CNBD1: variants seen among roughly 807,000 people sequenced by gnomAD.
CNBD1 encodes cyclic nucleotide binding domain containing 1.
In CNBD1, 71 loss-of-function variants were observed where a neutral mutation model predicts 54.4. The ratio of observed to expected loss-of-function variants is 1.30; its 90% CI spans 1.08 to 1.59. The LOEUF is 1.59. Among genes scored for constraint, CNBD1 ranks in the 40% most tolerant of loss-of-function variants. The pLI, the probability that CNBD1 is intolerant of heterozygous loss-of-function variation, is 0.00. For missense variants in CNBD1, 659 were observed against 518.0 expected, an observed-to-expected ratio of 1.27 and a Z score of -2.64; for synonymous variants, 182 against 170.7, an observed-to-expected ratio of 1.07 and a Z score of -0.51.
chr8:86,922,576 C>T (rs1003119532), intron 3 of CNBD1, among the ~76,000 whole-genome samples: 1 of 152,046 alleles, frequency 6.6e-6, no homozygotes, highest in African/African-American at 2.4e-5. Context: ...CAAGTGATGA[C>T]AATTTGTACA....
At chr8:86,921,412 C>T (rs1375259584) in intron 3 of CNBD1, among the ~76,000 whole-genome samples, 3 of 151,962 alleles carry the variant, frequency 2.0e-5, no homozygotes, top group African/African-American at 7.2e-5. Flanking sequence ...ATAAAACTTA[C>T]ACTATCTGAA....
intron 10 of CNBD1, among the ~76,000 whole-genome samples, chr8:87,361,373 AAGG>A (rs745979294): frequency 3.3e-5 from 5 of 151,836 alleles, no homozygotes; most frequent in Non-Finnish European, 5.9e-5. Context: ...AAATCAGTAG[AAGG>A]AGATTAACAT....
intron 4 of CNBD1, among the ~76,000 whole-genome samples, chr8:87,168,993 G>T (rs1046876563): frequency 7.2e-5 from 11 of 151,872 alleles, no homozygotes; most frequent in Non-Finnish European, 1.3e-4. Context: ...TTAGCTTTTT[G>T]AAAAATCTCC....
intron 8 of CNBD1, among the ~76,000 whole-genome samples, chr8:87,328,776 T>TTTTAACAATG (rs1171880483): frequency 1.3e-5 from 2 of 152,186 alleles, no homozygotes. Flanking sequence ...CTCTTTAATT[T>TTTTAACAATG]TTTAACAATG....
chr8:87,426,722 A>G (rs1427359068), intron 2 of CNBD1, among the ~76,000 whole-genome samples: 1 of 152,212 alleles, frequency 6.6e-6, no homozygotes, highest in Admixed American at 6.5e-5. Context: ...CGGCAATTGC[A>G]GATTCTGTGA....
intron 4 of CNBD1, among the ~76,000 whole-genome samples, chr8:87,052,143 T>C (rs921877822): frequency 6.6e-6 from 1 of 152,200 alleles, no homozygotes; most frequent in African/African-American, 2.4e-5. Flanking sequence ...CACTAGTGCC[T>C]GTGTCTCTCT....
At chr8:87,296,995 G>C (rs1427032480) in intron 8 of CNBD1, among the ~76,000 whole-genome samples, 1 of 151,650 alleles carries the variant, frequency 6.6e-6, no homozygotes, top group Non-Finnish European at 1.5e-5. Flanking sequence ...CTAACATGGT[G>C]AAACCCCTTC....
At chr8:87,225,252 T>C (rs1374703696) in intron 5 of CNBD1, among the ~76,000 whole-genome samples, 2 of 146,668 alleles carry the variant, frequency 1.4e-5, no homozygotes, top group Admixed American at 6.8e-5. Context: ...TCCTGCCTAA[T>C]TGCCCTGGCC....
intron 4 of CNBD1, among the ~76,000 whole-genome samples, chr8:87,138,023 C>G (rs1426501563): frequency 6.6e-6 from 1 of 152,076 alleles, no homozygotes; most frequent in East Asian, 1.9e-4. Context: ...CATAAAACCC[C>G]AAAATATCTA....
chr8:87,039,715 T>C (rs1810024884), intron 4 of CNBD1, among the ~76,000 whole-genome samples: 1 of 152,184 alleles, frequency 6.6e-6, no homozygotes, highest in Non-Finnish European at 1.5e-5. Context: ...ATTAGTCTCC[T>C]CGAGAATTTG....
intron 8 of CNBD1, among the ~76,000 whole-genome samples, chr8:87,321,866 A>C (rs545439371): frequency 1.9e-4 from 28 of 148,726 alleles, no homozygotes; most frequent in Non-Finnish European, 2.2e-4. Context: ...GGTTAGTTAC[A>C]TATGTATACA....
intron 6 of CNBD1, among the ~76,000 whole-genome samples, chr8:87,264,451 A>G (rs1044249397): frequency 5.3e-5 from 8 of 152,330 alleles, no homozygotes; most frequent in Admixed American, 6.5e-5. Context: ...TAGTGCCACA[A>G]TAAACATACA....
chr8:87,191,299 A>G (rs189583581), intron 4 of CNBD1, among the ~76,000 whole-genome samples: 1 of 152,136 alleles, frequency 6.6e-6, no homozygotes, highest in East Asian at 1.9e-4. Context: ...AAAGACAGAG[A>G]GAACTAGGGG....
intron 4 of CNBD1, among the ~76,000 whole-genome samples, chr8:86,970,591 C>A (rs1225618806): frequency 6.6e-6 from 1 of 150,466 alleles, no homozygotes; most frequent in Admixed American, 6.6e-5. Flanking sequence ...AGGTTTTCAA[C>A]CCTTCCCCTC....
At chr8:86,963,806 A>G (rs958066842) in intron 4 of CNBD1, among the ~76,000 whole-genome samples, 1 of 152,134 alleles carries the variant, frequency 6.6e-6, no homozygotes, top group African/African-American at 2.4e-5. Flanking sequence ...CCTGGATGGC[A>G]ATGACAGTCT....
chr8:87,095,689 G>A (rs1360325086), intron 4 of CNBD1, among the ~76,000 whole-genome samples: 2 of 151,914 alleles, frequency 1.3e-5, no homozygotes, highest in African/African-American at 4.8e-5. Flanking sequence ...ACGGAGTCTC[G>A]CTCTGTCGCC....
At chr8:87,042,191 T>C (rs1263446059) in intron 4 of CNBD1, among the ~76,000 whole-genome samples, 1 of 152,240 alleles carries the variant, frequency 6.6e-6, no homozygotes, top group East Asian at 1.9e-4. Flanking sequence ...TGGTGTCAGA[T>C]AAATCAATAA....
chr8:87,141,084 G>T (rs1378922708), intron 4 of CNBD1, among the ~76,000 whole-genome samples: 1 of 152,210 alleles, frequency 6.6e-6, no homozygotes, highest in Non-Finnish European at 1.5e-5. Flanking sequence ...AACATGTAAA[G>T]GTTGTGCAGT....
intron 4 of CNBD1, among the ~76,000 whole-genome samples, chr8:87,169,665 G>A (rs1267293299): frequency 6.6e-6 from 1 of 151,944 alleles, no homozygotes; most frequent in Admixed American, 6.6e-5. Context: ...TGAAGAGACT[G>A]TCCTTTCCCT....
Sources: allele counts gnomAD v4.1 joint callset (sites outside exome capture counted in the v4.1 genomes callset), GRCh38; gene constraint gnomAD v4.1.1; transcripts MANE v1.5; gene names NCBI Gene and HGNC (gene_info 2026-07-23, HGNC 2026-07-21).